MALRD1: variants seen among roughly 807,000 people sequenced by gnomAD.
MALRD1 encodes the protein MAM and LDL receptor class A domain containing 1.
In MALRD1, 247 loss-of-function variants were observed where a neutral mutation model predicts 242.1. That is an observed-to-expected ratio of 1.02 (90% CI 0.92 to 1.13). The LOEUF is 1.13. MALRD1 is among the 50% of genes most tolerant of loss of function. The probability of loss-of-function intolerance (pLI) is 0.00; values close to 1 mark genes in which losing one functional copy is unlikely to be tolerated. For missense variants in MALRD1, 2,989 were observed against 2,533.1 expected, an observed-to-expected ratio of 1.18 and a Z score of -3.86; for synonymous variants, 995 against 866.6, an observed-to-expected ratio of 1.15 and a Z score of -2.60.
At position 19,456,289 on chromosome 10, in the gene MALRD1, G is replaced by T. The variant is rs571224128; in HGVS notation, c.5029+5799G>T. Among the ~76,000 whole-genome samples, 14 of 152,268 alleles carry T rather than the reference G, an allele frequency of 9.2e-5. 2 individuals carry two copies. The highest frequency in any genetic ancestry group is 3.4e-4 in the African/African-American group (14 of 41,572). The stretch of plus-strand genomic sequence containing the variant: ...TTTTATAATTTCAGATGTCTTAGGT[G>T]TTGTCTTCAAAGATAATGTAAAAAG... On this transcript the variant is annotated intron_variant, in intron 29 of 39. Coordinates refer to ENST00000454679, the MANE Select transcript of MALRD1 (RefSeq NM_001142308.3).
chr10:19,288,613 C>T (rs1212241016), intron 21 of MALRD1, among the ~76,000 whole-genome samples: 1 of 152,028 alleles, frequency 6.6e-6, no homozygotes, highest in African/African-American at 2.4e-5. Context: ...GGTATCTTCT[C>T]TTTTTCTGAG....
Position 19,344,182 on chromosome 10 carries a change from C to A in MALRD1, c.3902-3589C>A, listed in dbSNP as rs528166348. 2.0e-5 allele frequency among the ~76,000 whole-genome samples: 3 copies of A among 152,154 alleles called. No individual in the cohort carries two copies. The South Asian group carries it at 6.2e-4, about 32-fold the overall frequency. Reference sequence around the variant, plus strand: ...TGTTGATGAAGTTCAATGTATTGATCTTTCCTCTTCCAGATCATGCTTTGA... The same window carrying A: ...TGTTGATGAAGTTCAATGTATTGATATTTCCTCTTCCAGATCATGCTTTGA... On this transcript the variant is annotated intron_variant, in intron 24 of 39. Transcript: ENST00000454679.
chr10:19,689,180 A>G (rs571707144), intron 36 of MALRD1, among the ~76,000 whole-genome samples: 30 of 152,302 alleles, frequency 2.0e-4, no homozygotes, highest in African/African-American at 6.0e-4. Flanking sequence ...CAGAGGGAAG[A>G]ATATGCTTCT....
intron 18 of MALRD1, among the ~76,000 whole-genome samples, chr10:19,234,918 T>C (rs1838242716): frequency 6.6e-6 from 1 of 152,102 alleles, no homozygotes; most frequent in Non-Finnish European, 1.5e-5. Flanking sequence ...ATGGCCCATG[T>C]TGAGAGTGGG....
chr10:19,083,959 T>G (rs1209917115), intron 2 of MALRD1, among the ~76,000 whole-genome samples: 4 of 151,966 alleles, frequency 2.6e-5, no homozygotes, highest in African/African-American at 7.2e-5. Context: ...GTTTCAGAGA[T>G]CTCTATTCTG....
intron 19 of MALRD1, among the ~76,000 whole-genome samples, chr10:19,277,272 A>G (rs1840576724): frequency 6.6e-6 from 1 of 152,158 alleles, no homozygotes; most frequent in East Asian, 1.9e-4. Context: ...TCTATATTTT[A>G]TATATCTGAT....
In MALRD1 at chr10:19,726,561, A is replaced by G. The variant is rs148132566; in HGVS notation, c.6315-4145A>G. ...TTGGCAGTTCCTCAAAAGTTAAAAA[A>G]GAGTTACCGTGTGTTCTATCAATTC... On this transcript the variant is annotated intron_variant, in intron 38 of 39. Coordinates refer to ENST00000454679, the MANE Select transcript of MALRD1 (RefSeq NM_001142308.3). 2.7e-3 allele frequency among the ~76,000 whole-genome samples: 405 copies of G among 152,326 alleles called. 2 individuals carry two copies. The highest frequency in any genetic ancestry group is 9.5e-3 in the African/African-American group (394 of 41,564).
rs763816901 is a variant in MALRD1, at chr10:19,615,956, A to AT, written c.6137+39dup. 6 of 1,477,688 alleles carry AT rather than the reference A, an allele frequency of 4.1e-6. No homozygotes were observed. In the African/African-American group the frequency reaches 7.0e-5, roughly 17 times the overall value. The allele number at this position is 1,477,688 out of a possible 1,614,324, so 91.5% of individuals were successfully genotyped here. On this transcript the variant is annotated intron_variant, in intron 36 of 39. Coordinates refer to ENST00000454679, the MANE Select transcript of MALRD1 (RefSeq NM_001142308.3). The stretch of plus-strand genomic sequence containing the variant: ...GCATTGTTTAATTTTTTTTTTTAAG[A>AT]TTTTTTGGAGTTGGCTTACTTATTT...
At chr10:19,237,947 T>TA (rs1320109037) in intron 18 of MALRD1, among the ~76,000 whole-genome samples, 1 of 19,756 alleles carries the variant, frequency 5.1e-5, no homozygotes, top group African/African-American at 4.0e-4. Flanking sequence ...TACAGTTATA[T>TA]AAATTATATG....
At chr10:19,447,355 A>G (rs2496067) in intron 28 of MALRD1, among the ~76,000 whole-genome samples, 119,466 of 152,150 alleles carry the variant, frequency 0.79, 47,761 homozygotes, top group African/African-American at 0.95. Flanking sequence ...AACATTTGAT[A>G]TTATGAAACA....
intron 28 of MALRD1, among the ~76,000 whole-genome samples, chr10:19,397,340 G>A (rs74524782): frequency 7.8e-4 from 118 of 152,122 alleles, no homozygotes; most frequent in Middle Eastern, 3.4e-3. Context: ...AGATCATGAG[G>A]TGTCTTTCTG....
chr10:19,399,918 T>TA (rs1384951532), intron 28 of MALRD1, among the ~76,000 whole-genome samples: 1 of 152,160 alleles, frequency 6.6e-6, no homozygotes, highest in East Asian at 1.9e-4. Context: ...ATGTGAAAGA[T>TA]ATAAACAAAA....
intron 21 of MALRD1, among the ~76,000 whole-genome samples, chr10:19,316,434 G>A (rs539014807): frequency 6.6e-6 from 1 of 152,006 alleles, no homozygotes; most frequent in South Asian, 2.1e-4. Flanking sequence ...AAACTCTGGG[G>A]AGTCAGCCAG....
At chr10:19,078,465 A>T (rs1281041354) in intron 2 of MALRD1, among the ~76,000 whole-genome samples, 1 of 151,786 alleles carries the variant, frequency 6.6e-6, no homozygotes, top group African/African-American at 2.4e-5. Context: ...TTCATCAGTT[A>T]TGTTGTTCTC....
chr10:19,065,673 A>G (rs1834957090), intron 1 of MALRD1, among the ~76,000 whole-genome samples: 4 of 152,190 alleles, frequency 2.6e-5, no homozygotes, highest in South Asian at 2.1e-4. Context: ...TGTGACATTC[A>G]TAGACATTAC....
chr10:19,276,775 A>T (rs1840546524), intron 19 of MALRD1, among the ~76,000 whole-genome samples: 1 of 152,166 alleles, frequency 6.6e-6, no homozygotes, highest in Non-Finnish European at 1.5e-5. Context: ...AGACGTGAGT[A>T]TATCCAACTG....
chr10:19,390,756 T>C (rs1245812058), intron 28 of MALRD1, among the ~76,000 whole-genome samples: 2 of 152,150 alleles, frequency 1.3e-5, no homozygotes, highest in Non-Finnish European at 2.9e-5. Context: ...AGCTTATACC[T>C]ATGAACAGCT....
At chr10:19,461,037 G>T (rs1358763162) in intron 29 of MALRD1, among the ~76,000 whole-genome samples, 1 of 152,114 alleles carries the variant, frequency 6.6e-6, no homozygotes, top group South Asian at 2.1e-4. Context: ...CCACTGATCC[G>T]TTGCATACAT....
At chr10:19,644,835 T>A (rs1840574441) in intron 36 of MALRD1, among the ~76,000 whole-genome samples, 1 of 152,198 alleles carries the variant, frequency 6.6e-6, no homozygotes, top group African/African-American at 2.4e-5. Flanking sequence ...ACCAAATTTG[T>A]CTACTTGTAA....
Sources: gnomAD v4.1 joint callset for allele counts (sites outside exome capture counted in the v4.1 genomes callset) on GRCh38, gnomAD v4.1.1 for gene constraint, MANE v1.5 for transcripts, NCBI Gene and HGNC (gene_info 2026-07-23, HGNC 2026-07-21) for gene names.